The following CFAP299 variants were observed in gnomAD, a reference collection of about 807,000 sequenced individuals.
CFAP299 encodes the protein cilia- and flagella-associated protein 299.
A neutral mutation model predicts 27.0 loss-of-function variants in CFAP299; 21 were observed. That is an observed-to-expected ratio of 0.78 (90% CI 0.55 to 1.12). CFAP299 has a LOEUF of 1.12. Ranked by LOEUF, CFAP299 falls within the 50% of genes most tolerant of loss-of-function variation. The pLI is 0.00. For synonymous variants in CFAP299, 104 were observed against 98.1 expected, an observed-to-expected ratio of 1.06 and a Z score of -0.36; for missense variants, 310 against 276.6, an observed-to-expected ratio of 1.12 and a Z score of -0.86.
intron 2 of CFAP299, among the ~76,000 whole-genome samples, chr4:80,418,958 G>A (rs1727154197): frequency 1.3e-5 from 2 of 152,118 alleles, no homozygotes; most frequent in African/African-American, 4.8e-5. Context: ...ATAAGCATGG[G>A]AGTGCAGATA....
chr4:80,875,993 C>G (rs1176943825), intron 4 of CFAP299, among the ~76,000 whole-genome samples: 4 of 151,942 alleles, frequency 2.6e-5, no homozygotes, highest in Non-Finnish European at 5.9e-5. Context: ...ACCGTGGTTA[C>G]AAGGTTGAAC....
chr4:80,331,789 G>C (rs1166392849), upstream of CFAP299, among the ~76,000 whole-genome samples: 2 of 152,162 alleles, frequency 1.3e-5, no homozygotes, highest in Non-Finnish European at 2.9e-5. Flanking sequence ...GATTGGAAGA[G>C]TGACCTAGTT....
At chr4:80,581,232 C>G (rs969509658) in intron 2 of CFAP299, among the ~76,000 whole-genome samples, 2 of 151,302 alleles carry the variant, frequency 1.3e-5, no homozygotes, top group African/African-American at 4.9e-5. Context: ...TGTAGATTTT[C>G]TAAACAAGCA....
intron 2 of CFAP299, among the ~76,000 whole-genome samples, chr4:80,456,723 A>G (rs900516483): frequency 6.6e-6 from 1 of 152,184 alleles, no homozygotes; most frequent in Non-Finnish European, 1.5e-5. Flanking sequence ...CAGTTGGATA[A>G]CCATGTTGGA....
intron 2 of CFAP299, among the ~76,000 whole-genome samples, chr4:80,528,193 A>G (rs931914890): frequency 6.6e-6 from 1 of 152,124 alleles, no homozygotes; most frequent in African/African-American, 2.4e-5. Flanking sequence ...CCATCTTTGT[A>G]TTTAATTCTA....
At position 80,654,665 on chromosome 4, in the gene CFAP299, G is replaced by A. The variant is rs566141852; in HGVS notation, c.333+71482G>A. Among the ~76,000 whole-genome samples, 4 of 152,056 alleles carry A rather than the reference G, an allele frequency of 2.6e-5. No individual in the cohort carries two copies. The East Asian group carries it at 7.7e-4, about 29-fold the overall frequency. On this transcript the variant is annotated intron_variant, in intron 3 of 5. Transcript: ENST00000358105. ...CAGTTGCTTAGGCTGAAATGCACAG[G>A]CAATGATCATAGATCATAGCTTACT...
At chr4:80,479,887 T>C (rs1425650874) in intron 2 of CFAP299, among the ~76,000 whole-genome samples, 1 of 152,080 alleles carries the variant, frequency 6.6e-6, no homozygotes, top group South Asian at 2.1e-4. Flanking sequence ...TTTTGGGAAG[T>C]CTTAAGAGAC....
intron 4 of CFAP299, among the ~76,000 whole-genome samples, chr4:80,915,948 G>A (rs1177089411): frequency 6.6e-6 from 1 of 151,570 alleles, no homozygotes; most frequent in Non-Finnish European, 1.5e-5. Flanking sequence ...TCATTTCTGA[G>A]TATATTTCCG....
intron 3 of CFAP299, among the ~76,000 whole-genome samples, chr4:80,852,970 C>T (rs1731610050): frequency 6.6e-6 from 1 of 152,120 alleles, no homozygotes; most frequent in Non-Finnish European, 1.5e-5. Flanking sequence ...GAAGTCTCTA[C>T]CTTTATGGCC....
At chr4:80,439,934 A>T (rs142362506) in intron 2 of CFAP299, among the ~76,000 whole-genome samples, 3,176 of 152,304 alleles carry the variant, frequency 0.021, 58 homozygotes, top group Admixed American at 0.061. Context: ...CAAAGCTGCC[A>T]GGAAGTTCGA....
At chr4:80,774,916 C>T (rs1303010078) in intron 3 of CFAP299, among the ~76,000 whole-genome samples, 2 of 151,824 alleles carry the variant, frequency 1.3e-5, no homozygotes, top group Non-Finnish European at 2.9e-5. Flanking sequence ...AGAAAGTACT[C>T]ATTAAAAAAT....
intron 3 of CFAP299, among the ~76,000 whole-genome samples, chr4:80,808,918 A>G (rs1285531432): frequency 6.6e-6 from 1 of 152,128 alleles, no homozygotes; most frequent in African/African-American, 2.4e-5. Flanking sequence ...ATAAATTTAT[A>G]TGCATATCTT....
intron 3 of CFAP299, among the ~76,000 whole-genome samples, chr4:80,742,099 ACT>A (rs1724307846): frequency 6.6e-6 from 1 of 151,742 alleles, no homozygotes; most frequent in Non-Finnish European, 1.5e-5. Flanking sequence ...AGGATTCAAG[ACT>A]CTCTCTCCTG....
intron 2 of CFAP299, among the ~76,000 whole-genome samples, chr4:80,581,464 A>ATATATATATATATATATATATG (rs1736167498): frequency 2.2e-5 from 3 of 133,384 alleles, no homozygotes; most frequent in African/African-American, 9.1e-5. Flanking sequence ...ATATATATAT[A>ATATATATATATATATATATATG]TATATATATA....
chr4:80,799,782 TA>T (rs1343860744), intron 3 of CFAP299, among the ~76,000 whole-genome samples: 1 of 38,778 alleles, frequency 2.6e-5, no homozygotes, highest in East Asian at 1.3e-3. Context: ...ATGATATATA[TA>T]TTATATATTA....
intron 2 of CFAP299, among the ~76,000 whole-genome samples, chr4:80,552,759 C>T (rs2110211371): frequency 6.6e-6 from 1 of 152,254 alleles, no homozygotes; most frequent in East Asian, 1.9e-4. Flanking sequence ...ATGAGTATAG[C>T]TTACTGCAGC....
intron 3 of CFAP299, among the ~76,000 whole-genome samples, chr4:80,607,360 A>G (rs1316015180): frequency 6.6e-6 from 1 of 152,112 alleles, no homozygotes; most frequent in African/African-American, 2.4e-5. Flanking sequence ...TCTACTTCAT[A>G]AGGATATCGA....
intron 3 of CFAP299, among the ~76,000 whole-genome samples, chr4:80,593,649 A>C (rs1471468790): frequency 1.3e-5 from 2 of 152,132 alleles, no homozygotes; most frequent in Middle Eastern, 3.2e-3. Context: ...TCAAAGAGCC[A>C]GCTATTGGCT....
At chr4:80,377,470 G>C (rs1458186716) in intron 2 of CFAP299, among the ~76,000 whole-genome samples, 2 of 151,614 alleles carry the variant, frequency 1.3e-5, no homozygotes, top group South Asian at 2.1e-4. Context: ...TCTATTCCAC[G>C]GATTTATATG....
Sources: gnomAD v4.1 joint callset for allele counts (sites outside exome capture counted in the v4.1 genomes callset) on GRCh38, gnomAD v4.1.1 for gene constraint, MANE v1.5 for transcripts, NCBI Gene and HGNC (gene_info 2026-07-23, HGNC 2026-07-21) for gene names.